CDH13: variants seen among roughly 807,000 people sequenced by gnomAD.
CDH13 encodes cadherin 13.
Under a neutral mutation model 63.8 loss-of-function variants are expected in CDH13, and 24 were observed. That is an observed-to-expected ratio of 0.38 (90% CI 0.27 to 0.53). The LOEUF (loss-of-function observed/expected upper bound fraction) is 0.53, where lower values mean the gene tolerates loss of function less well. Ranked by LOEUF, CDH13 falls within the 20% of genes least tolerant of loss-of-function variation. The pLI, the probability that CDH13 is intolerant of heterozygous loss-of-function variation, is 0.85. For missense variants in CDH13, 1,049 were observed against 903.1 expected (o/e 1.16, Z -2.07); for synonymous variants, 503 against 355.3 (o/e 1.42, Z -4.67).
intron 8 of CDH13, among the ~76,000 whole-genome samples, chr16:83,669,379 T>C (rs1057039643): frequency 3.3e-5 from 5 of 152,212 alleles, no homozygotes; most frequent in Non-Finnish European, 7.3e-5. Flanking sequence ...GAACCGTTAG[T>C]ATAGTTTTCT....
intron 1 of CDH13, among the ~76,000 whole-genome samples, chr16:82,748,647 A>G (rs1357510391): frequency 6.6e-6 from 1 of 152,162 alleles, no homozygotes; most frequent in South Asian, 2.1e-4. Flanking sequence ...TAATAATTGT[A>G]CATTGTAAGG....
chr16:82,761,013 C>CTTCCTT, intron 1 of CDH13, among the ~76,000 whole-genome samples: 1 of 43,624 alleles, frequency 2.3e-5, no homozygotes, highest in East Asian at 6.9e-4. Context: ...ACATTTCTTT[C>CTTCCTT]TTTCTTTTTT....
intron 6 of CDH13, chr16:83,398,129 C>G (rs897502848): frequency 1.5e-5 from 2 of 129,474 alleles, no homozygotes; most frequent in Non-Finnish European, 3.4e-5. Context: ...CATTGCTAGG[C>G]GTACTACCCT....
At chr16:83,449,787 G>A (rs1341034727) in intron 6 of CDH13, among the ~76,000 whole-genome samples, 1 of 152,142 alleles carries the variant, frequency 6.6e-6, no homozygotes, top group South Asian at 2.1e-4. Context: ...TTGTAAATAG[G>A]GACGTTAACG....
chr16:83,435,405 G>A (rs1480948718), intron 6 of CDH13, among the ~76,000 whole-genome samples: 11 of 151,964 alleles, frequency 7.2e-5, no homozygotes, highest in South Asian at 2.1e-4. Flanking sequence ...CACTGCAATC[G>A]TGTCATCCCC....
chr16:82,627,348 G>GTGTC (rs1174765024), intron 1 of CDH13, among the ~76,000 whole-genome samples: 1 of 149,882 alleles, frequency 6.7e-6, no homozygotes, highest in Non-Finnish European at 1.5e-5. Context: ...GTGTGTGTGT[G>GTGTC]TGTGTGTGTG....
At chr16:83,413,718 T>C (rs1006833933) in intron 6 of CDH13, among the ~76,000 whole-genome samples, 1 of 152,158 alleles carries the variant, frequency 6.6e-6, no homozygotes, top group Non-Finnish European at 1.5e-5. Context: ...CAGTGCACGG[T>C]GGCTCATGCC....
chr16:83,123,075 A>T (rs1408880709), intron 3 of CDH13, among the ~76,000 whole-genome samples: 2 of 152,210 alleles, frequency 1.3e-5, no homozygotes, highest in South Asian at 2.1e-4. Context: ...TTCCGGCTTC[A>T]TCCATGTGGC....
intron 7 of CDH13, among the ~76,000 whole-genome samples, chr16:83,565,961 T>C (rs2150696530): frequency 6.6e-6 from 1 of 152,336 alleles, no homozygotes; most frequent in African/African-American, 2.4e-5. Context: ...CCACCTCTCA[T>C]GCTATAGCGT....
intron 2 of CDH13, among the ~76,000 whole-genome samples, chr16:82,861,145 C>T (rs554198926): frequency 2.0e-5 from 3 of 152,134 alleles, no homozygotes; most frequent in South Asian, 4.2e-4. Flanking sequence ...CATTGTATAC[C>T]AAAGATCCAG....
intron 1 of CDH13, among the ~76,000 whole-genome samples, chr16:82,813,629 G>C (rs1194989531): frequency 6.6e-6 from 1 of 152,142 alleles, no homozygotes; most frequent in Non-Finnish European, 1.5e-5. Context: ...TGGCTATACA[G>C]ACCCCAGATT....
At chr16:83,177,758 G>T (rs2038187042) in intron 4 of CDH13, among the ~76,000 whole-genome samples, 1 of 152,126 alleles carries the variant, frequency 6.6e-6, no homozygotes, top group African/African-American at 2.4e-5. Flanking sequence ...AGGAGAAATG[G>T]CTTAAGAACA....
chr16:83,775,301 C>G (rs1039775399), intron 11 of CDH13, among the ~76,000 whole-genome samples: 1 of 151,754 alleles, frequency 6.6e-6, no homozygotes, highest in South Asian at 2.1e-4. Context: ...TTTCTGAATG[C>G]AGGTGCGTTT....
intron 3 of CDH13, among the ~76,000 whole-genome samples, chr16:83,109,319 C>A (rs1220854800): frequency 6.6e-6 from 1 of 152,132 alleles, no homozygotes; most frequent in African/African-American, 2.4e-5. Context: ...AGAAGCCTTT[C>A]ATACGATGTG....
intron 1 of CDH13, among the ~76,000 whole-genome samples, chr16:82,697,760 TG>T (rs1173821256): frequency 4.1e-5 from 2 of 48,244 alleles, no homozygotes; most frequent in South Asian, 7.1e-4. Context: ...TGTGTGTGTG[TG>T]TGTGTGTGTG....
At chr16:83,559,814 A>C (rs755129265) in intron 7 of CDH13, among the ~76,000 whole-genome samples, 1 of 152,170 alleles carries the variant, frequency 6.6e-6, no homozygotes, top group Non-Finnish European at 1.5e-5. Flanking sequence ...CGAAGGCACC[A>C]CAGCGTCTTT....
At chr16:83,356,868 A>G (rs1293588571) in intron 6 of CDH13, among the ~76,000 whole-genome samples, 2 of 152,164 alleles carry the variant, frequency 1.3e-5, no homozygotes, top group African/African-American at 2.4e-5. Context: ...TTTTTTAAAA[A>G]CCAAGTATAG....
intron 6 of CDH13, among the ~76,000 whole-genome samples, chr16:83,384,367 C>T (rs1331457566): frequency 6.6e-6 from 1 of 152,196 alleles, no homozygotes; most frequent in East Asian, 1.9e-4. Context: ...TCCTTCCTTT[C>T]TTCCCTCCAA....
chr16:82,710,552 A>AAAATATATATATAT (rs60196638), intron 1 of CDH13, among the ~76,000 whole-genome samples: 3 of 63,766 alleles, frequency 4.7e-5, no homozygotes, highest in African/African-American at 1.2e-4. Flanking sequence ...AAAAAAAAAA[A>AAAATATATATATAT]ATATATATAT....
Sources: gnomAD v4.1 joint callset for allele counts (sites outside exome capture counted in the v4.1 genomes callset) on GRCh38, gnomAD v4.1.1 for gene constraint, MANE v1.5 for transcripts, NCBI Gene and HGNC (gene_info 2026-07-23, HGNC 2026-07-21) for gene names.